Variants in HTR2C observed in about 807,000 individuals in gnomAD.
The protein encoded by HTR2C is 5-hydroxytryptamine (serotonin) receptor 2C, G protein-coupled.
HTR2C carries 5 observed loss-of-function variants against 21.0 expected under a neutral mutation model. The observed-to-expected ratio is 0.24, with a 90% CI of 0.12 to 0.50. HTR2C has a LOEUF of 0.50. HTR2C is among the 20% of genes least tolerant of loss of function. The probability of loss-of-function intolerance (pLI) is 0.98; values close to 1 mark genes in which losing one functional copy is unlikely to be tolerated. For missense variants in HTR2C, 271 were observed against 371.2 expected (o/e 0.73, Z 2.22); for synonymous variants, 150 against 145.3 (o/e 1.03, Z -0.23).
intron 4 of HTR2C, chrX:114,776,249 G>C: frequency 5.3e-6 from 3 of 568,999 alleles, no homozygotes; most frequent in South Asian, 2.2e-5. Flanking sequence ...AGCAGCACTT[G>C]GCTCATTGAT....
intron 5 of HTR2C, among the ~76,000 whole-genome samples, chrX:114,897,190 T>C (rs2071303200): frequency 8.9e-6 from 1 of 111,923 alleles, no homozygotes; most frequent in African/African-American, 3.2e-5. Flanking sequence ...TCATGTATGC[T>C]CTTGCTACAT....
At chrX:114,742,484 A>G (rs2069658105) in intron 4 of HTR2C, among the ~76,000 whole-genome samples, 1 of 111,306 alleles carries the variant, frequency 9.0e-6, no homozygotes, top group African/African-American at 3.3e-5. Context: ...CTAAGTCTGA[A>G]TTTAACTGGG....
At chrX:114,664,235 T>C (rs143645587) in intron 2 of HTR2C, among the ~76,000 whole-genome samples, 1,370 of 111,858 alleles carry the variant, frequency 0.012, 16 homozygotes, top group African/African-American at 0.043. Context: ...ATTTTTAAGC[T>C]CTAGGGTACA....
chrX:114,858,764 A>G (rs968123621), intron 5 of HTR2C, among the ~76,000 whole-genome samples: 3 of 110,181 alleles, frequency 2.7e-5, no homozygotes, highest in South Asian at 7.6e-4. Flanking sequence ...TTTTTTTTTT[A>G]GTGGAAAACT....
Position 114,805,691 on chromosome X carries a change from T to A in HTR2C, c.350-42312T>A, listed in dbSNP as rs1435258814. The stretch of plus-strand genomic sequence containing the variant: ...ATATACACCATATATATACCATATA[T>A]ATACACCATATATATACCATATATA... On this transcript the variant is annotated intron_variant, in intron 4 of 5. Coordinates refer to ENST00000276198, the MANE Select transcript of HTR2C (RefSeq NM_000868.4). 3.4e-4 allele frequency among the ~76,000 whole-genome samples: 12 copies of A among 35,572 alleles called. 3 individuals are homozygous for A. Among genetic ancestry groups the A allele is most frequent in the African/African-American group, 1.0e-3 (12 of 11,700 alleles). The allele number at this position is 35,572 out of a possible 115,157, so 30.9% of individuals were successfully genotyped here. A position where few individuals can be genotyped will look rare whatever the true frequency, so the allele number is the denominator to read the frequency against.
At chrX:114,867,432 A>T (rs150563684) in intron 5 of HTR2C, among the ~76,000 whole-genome samples, 1 of 110,898 alleles carries the variant, frequency 9.0e-6, no homozygotes, top group Non-Finnish European at 1.9e-5. Flanking sequence ...GTAGTTTGCA[A>T]ATATTTTCTC....
chrX:114,749,453 CAAAAAAAAAAAA>C (rs782652879), intron 4 of HTR2C, among the ~76,000 whole-genome samples: 1 of 41,906 alleles, frequency 2.4e-5, no homozygotes, highest in African/African-American at 1.1e-4. Flanking sequence ...GTCCATGTCT[CAAAAAAAAAAAA>C]AAAAAAAAAA....
intron 4 of HTR2C, among the ~76,000 whole-genome samples, chrX:114,805,435 T>G (rs2070393334): frequency 1.0e-5 from 1 of 99,178 alleles, no homozygotes; most frequent in Non-Finnish European, 2.0e-5. Flanking sequence ...ATTTCCTGAC[T>G]TCAATTTTAA....
chrX:114,769,857 C>A (rs1288713032), intron 4 of HTR2C, among the ~76,000 whole-genome samples: 1 of 111,430 alleles, frequency 9.0e-6, no homozygotes, highest in African/African-American at 3.3e-5. Flanking sequence ...TACCATCTAC[C>A]TTTTCATTTC....
intron 2 of HTR2C, among the ~76,000 whole-genome samples, chrX:114,709,068 T>C (rs1556418877): frequency 8.9e-6 from 1 of 112,043 alleles, no homozygotes. Flanking sequence ...TCTCCTATTA[T>C]TAGGGTGCAC....
intron 2 of HTR2C, among the ~76,000 whole-genome samples, chrX:114,726,052 G>A (rs1415527514): frequency 8.9e-6 from 1 of 112,116 alleles, no homozygotes; most frequent in African/African-American, 3.2e-5. Flanking sequence ...CCCAGTTCGA[G>A]CTTCCGGGCT....
At chrX:114,598,975 C>T (rs1429461498) in intron 1 of HTR2C, among the ~76,000 whole-genome samples, 1 of 111,057 alleles carries the variant, frequency 9.0e-6, no homozygotes, top group African/African-American at 3.3e-5. Context: ...ACTTAAATTT[C>T]CTAACTCTGA....
intron 2 of HTR2C, chrX:114,717,699 A>G (rs1556419977): frequency 8.9e-6 from 1 of 111,997 alleles, no homozygotes. Flanking sequence ...ATGAATTATA[A>G]ATGGTTAGCT....
chrX:114,740,577 G>T (rs1052358836), intron 4 of HTR2C, among the ~76,000 whole-genome samples: 10 of 111,617 alleles, frequency 9.0e-5, no homozygotes, highest in Admixed American at 3.8e-4. Context: ...GTTCTATATA[G>T]AGAGAGATTA....
At chrX:114,704,823 C>T (rs1224874135) in intron 2 of HTR2C, among the ~76,000 whole-genome samples, 1 of 108,111 alleles carries the variant, frequency 9.2e-6, no homozygotes, top group African/African-American at 3.3e-5. Flanking sequence ...GTCTCAGCCC[C>T]AAATCTCCTT....
chrX:114,730,677 C>G (rs933292532), intron 3 of HTR2C, among the ~76,000 whole-genome samples: 3 of 111,823 alleles, frequency 2.7e-5, no homozygotes, highest in Non-Finnish European at 3.8e-5. Flanking sequence ...TCCTTCTTAG[C>G]CTTGGATCAA....
At chrX:114,775,435 C>A (rs1281837912) in intron 4 of HTR2C, 2 of 515,046 alleles carry the variant, frequency 3.9e-6, no homozygotes, top group African/African-American at 2.3e-5. Context: ...GCACACTCAC[C>A]TTCATAAACC....
At chrX:114,893,083 T>A (rs782719210) in intron 5 of HTR2C, among the ~76,000 whole-genome samples, 3 of 108,712 alleles carry the variant, frequency 2.8e-5, no homozygotes, top group African/African-American at 1.0e-4. Flanking sequence ...CAGCTACTTT[T>A]TTTGTATTTT....
chrX:114,632,179 A>C (rs1284669973), intron 2 of HTR2C, among the ~76,000 whole-genome samples: 5 of 112,472 alleles, frequency 4.4e-5, no homozygotes, highest in African/African-American at 9.7e-5. Context: ...ATACAGGATG[A>C]AAACTCATTT....
Sources: gnomAD v4.1 joint callset for allele counts (sites outside exome capture counted in the v4.1 genomes callset) on GRCh38, gnomAD v4.1.1 for gene constraint, MANE v1.5 for transcripts, NCBI Gene and HGNC (gene_info 2026-07-23, HGNC 2026-07-21) for gene names.